Variants in HIVEP2 observed in about 807,000 individuals in gnomAD.
HIVEP2 encodes the protein transcription factor HIVEP2.
Under a neutral mutation model 180.7 loss-of-function variants are expected in HIVEP2, and 14 were observed. That is an observed-to-expected ratio of 0.08 (90% CI 0.05 to 0.12). The LOEUF is 0.12. HIVEP2 is among the 10% of genes least tolerant of loss of function. The pLI is 1.00. For missense variants in HIVEP2, 2,579 were observed against 3,008.5 expected (o/e 0.86, Z 3.34); for synonymous variants, 1,184 against 1,136.4 (o/e 1.04, Z -0.84).
chr6:142,782,032 C>G (rs1421560309), intron 3 of HIVEP2, among the ~76,000 whole-genome samples: 1 of 152,180 alleles, frequency 6.6e-6, no homozygotes, highest in Admixed American at 6.5e-5. Context: ...TAATGACATC[C>G]TAAATAATGA....
Position 142,760,528 on chromosome 6 carries a change from G to A in HIVEP2, c.5760C>T (p.Asp1920=). 1.2e-6 allele frequency: 2 copies of A among 1,613,996 alleles called. No homozygotes were observed. Among genetic ancestry groups the A allele is most frequent in the Non-Finnish European group, 1.7e-6 (2 of 1,179,966 alleles). The change falls in exon 9 of 10, where the codon GAC becomes GAT. Residue 1920 remains aspartate, a synonymous_variant. Coordinates refer to ENST00000367603, the MANE Select transcript of HIVEP2 (RefSeq NM_006734.4). ...DNDDDDEDED[D]FDDQGDLTPK... is the part of the protein sequence containing the mutation. ...GTGTTAAATCTCCCTGGTCGTCAAA[G>A]TCATCTTCATCTTCATCATCATCAT...
intron 2 of HIVEP2, among the ~76,000 whole-genome samples, chr6:142,826,245 A>C (rs1395312546): frequency 1.3e-5 from 2 of 152,228 alleles, no homozygotes; most frequent in Non-Finnish European, 1.5e-5. Flanking sequence ...TAAGAATAAA[A>C]ACTTACATCA....
At chr6:142,904,815 T>C (rs1777222777) in intron 1 of HIVEP2, among the ~76,000 whole-genome samples, 1 of 152,196 alleles carries the variant, frequency 6.6e-6, no homozygotes, top group African/African-American at 2.4e-5. Context: ...CCGAAGATCA[T>C]TCTTAGTCTT....
Position 142,771,292 on chromosome 6 carries a change from C to T in HIVEP2, c.3447G>A (p.Gly1149=), listed in dbSNP as rs746015531. The change falls in exon 5 of 10, where the codon GGG becomes GGA. Residue 1149 remains glycine (G), a synonymous_variant. Coordinates refer to ENST00000367603, the MANE Select transcript of HIVEP2 (RefSeq NM_006734.4). The surrounding 1 kb of genome is among the most constrained non-coding windows in gnomAD (Gnocchi z 5.4). ...TCTGTGGCTGGGCCAGGTGCAGTGGCCCCGAGCTCAGCGGGGGACAAGGAC... is the reference window on the plus strand; with the variant it reads ...TCTGTGGCTGGGCCAGGTGCAGTGGTCCCGAGCTCAGCGGGGGACAAGGAC... The part of the protein sequence containing the change: ...VAGPCPPLSS[G]PLHLAQPQIM... 7.9e-5 allele frequency: 127 copies of T among 1,613,482 alleles called. 3 individuals are homozygous for T. In the South Asian group the frequency reaches 1.4e-3, roughly 17 times the overall value.
chr6:142,843,767 C>A (rs1775432514), intron 1 of HIVEP2, among the ~76,000 whole-genome samples: 2 of 152,094 alleles, frequency 1.3e-5, no homozygotes, highest in Admixed American at 1.3e-4. Flanking sequence ...TAGTCTTATG[C>A]AAATTTTCTC....
At chr6:142,911,227 G>C (rs1222561563) in intron 1 of HIVEP2, among the ~76,000 whole-genome samples, 2 of 151,832 alleles carry the variant, frequency 1.3e-5, no homozygotes, top group African/African-American at 2.4e-5. Flanking sequence ...TGCTGAGAGG[G>C]GCAGAGCCTA....
intron 1 of HIVEP2, among the ~76,000 whole-genome samples, chr6:142,909,817 A>G (rs1777358919): frequency 6.6e-6 from 1 of 152,186 alleles, no homozygotes; most frequent in South Asian, 2.1e-4. Flanking sequence ...GAAAGATCAA[A>G]AAATAGCTAC....
chr6:142,925,072 T>G (rs979216371), intron 1 of HIVEP2, among the ~76,000 whole-genome samples: 21 of 152,190 alleles, frequency 1.4e-4, no homozygotes, highest in African/African-American at 5.1e-4. Flanking sequence ...AGTAAACAGA[T>G]AGAATGCAGG....
intron 1 of HIVEP2, among the ~76,000 whole-genome samples, chr6:142,863,902 ATCTT>A (rs1776069754): frequency 6.6e-6 from 1 of 152,180 alleles, no homozygotes; most frequent in Non-Finnish European, 1.5e-5. Flanking sequence ...TATAAGCAAA[ATCTT>A]TATTTAAATC....
In HIVEP2 at chr6:142,769,884, C is replaced by G; in HGVS notation, c.4855G>C (p.Val1619Leu). ...VRMASAPSGN[V>L]ADSTLLLTDM... Reference sequence around the variant, plus strand: ...GTGAGAAGAAGAGTTGAGTCTGCCACGTTCCCGCTGGGGGCAGAGGCCATG... The same window carrying G: ...GTGAGAAGAAGAGTTGAGTCTGCCAGGTTCCCGCTGGGGGCAGAGGCCATG... The change falls in exon 5 of 10, where the codon GTG (valine) becomes CTG (leucine). Residue 1619 changes from valine to leucine, a missense_variant. By Grantham distance (32) the Val-to-Leu change is conservative. Coordinates refer to ENST00000367603, the MANE Select transcript of HIVEP2 (RefSeq NM_006734.4). The G allele has an allele frequency of 1.2e-6, 2 of 1,614,106 alleles. No homozygotes were observed. The highest frequency in any genetic ancestry group is 1.7e-6 in the Non-Finnish European group (2 of 1,180,044).
chr6:142,829,000 G>C (rs1447095711), intron 2 of HIVEP2, among the ~76,000 whole-genome samples: 1 of 151,902 alleles, frequency 6.6e-6, no homozygotes, highest in African/African-American at 2.4e-5. Context: ...GGTCATCCTA[G>C]TTCAGAACTT....
At chr6:142,849,621 C>T (rs1775599142) in intron 1 of HIVEP2, among the ~76,000 whole-genome samples, 1 of 151,938 alleles carries the variant, frequency 6.6e-6, no homozygotes, top group Admixed American at 6.6e-5. Flanking sequence ...CTTAAGCCAT[C>T]CTCCCACCTC....
intron 1 of HIVEP2, among the ~76,000 whole-genome samples, chr6:142,870,059 T>C (rs1776249353): frequency 1.3e-5 from 2 of 152,002 alleles, no homozygotes; most frequent in Middle Eastern, 3.2e-3. Context: ...CCGTGACCAC[T>C]GAAGGGCTGC....
intron 1 of HIVEP2, among the ~76,000 whole-genome samples, chr6:142,915,987 A>G (rs1046204826): frequency 2.0e-5 from 3 of 152,182 alleles, no homozygotes; most frequent in East Asian, 1.9e-4. Flanking sequence ...GCCTCTGCCC[A>G]TTCAGGCATG....
At chr6:142,798,643 CCTAA>C (rs1384050967) in intron 2 of HIVEP2, among the ~76,000 whole-genome samples, 1 of 152,086 alleles carries the variant, frequency 6.6e-6, no homozygotes, top group African/African-American at 2.4e-5. Flanking sequence ...AGATTATGCT[CCTAA>C]CTGCTTAGGG....
At chr6:142,922,511 G>A (rs1194376450) in intron 1 of HIVEP2, among the ~76,000 whole-genome samples, 1 of 152,152 alleles carries the variant, frequency 6.6e-6, no homozygotes, top group African/African-American at 2.4e-5. Context: ...TTTATTGAGT[G>A]CTTACTACAG....
chr6:142,857,837 C>T (rs1775863766), intron 1 of HIVEP2, among the ~76,000 whole-genome samples: 2 of 152,190 alleles, frequency 1.3e-5, no homozygotes, highest in Non-Finnish European at 2.9e-5. Context: ...ACTTGTGTGG[C>T]TTCTCCTGCG....
rs565571838 is a variant in HIVEP2 at position 142,860,100 on chromosome 6, C to T, written c.-640-23053G>A. On this transcript the variant is annotated intron_variant, in intron 1 of 9. Transcript: ENST00000367603. Reference sequence around the variant, plus strand: ...AATTCAGCAAAGATCTCTATCCCCTCGGACCTCCAACATTTTTCTGAACTG... The same window carrying T: ...AATTCAGCAAAGATCTCTATCCCCTTGGACCTCCAACATTTTTCTGAACTG... Among the ~76,000 whole-genome samples the T allele has an allele frequency of 2.0e-5, 3 of 152,090 alleles. No homozygotes were observed. The South Asian group carries it at 6.2e-4, about 32-fold the overall frequency.
chr6:142,864,815 T>C (rs963937089), intron 1 of HIVEP2, among the ~76,000 whole-genome samples: 1 of 152,128 alleles, frequency 6.6e-6, no homozygotes, highest in Non-Finnish European at 1.5e-5. Context: ...CCCTCAGAAT[T>C]CTCCTTTCCT....
Sources: allele counts gnomAD v4.1 joint callset (sites outside exome capture counted in the v4.1 genomes callset), GRCh38; gene constraint gnomAD v4.1.1; non-coding constraint Gnocchi (gnomAD v3.1); transcripts MANE v1.5; gene names NCBI Gene and HGNC (gene_info 2026-07-23, HGNC 2026-07-21).